The following MAGI1 variants were observed in gnomAD, a reference collection of about 807,000 sequenced individuals.
MAGI1 encodes the protein membrane-associated guanylate kinase, WW and PDZ domain-containing protein 1.
MAGI1 carries 58 observed loss-of-function variants against 139.9 expected under a neutral mutation model. That is an observed-to-expected ratio of 0.41 (90% confidence interval 0.34 to 0.52). The LOEUF is 0.52. Ranked by LOEUF, MAGI1 falls within the 20% of genes least tolerant of loss-of-function variation. The pLI is 0.12. For synonymous variants in MAGI1, 812 were observed against 737.9 expected, an observed-to-expected ratio of 1.10 and a Z score of -1.63; for missense variants, 1,874 against 1,901.6, an observed-to-expected ratio of 0.99 and a Z score of 0.27.
chr3:65,525,633 G>C (rs1242887052), intron 2 of MAGI1, among the ~76,000 whole-genome samples: 1 of 152,268 alleles, frequency 6.6e-6, no homozygotes, highest in East Asian at 1.9e-4. Context: ...AATCATCTGA[G>C]ATTATAATTA....
At chr3:65,785,825 C>T (rs1012586979) in intron 1 of MAGI1, among the ~76,000 whole-genome samples, 2 of 152,152 alleles carry the variant, frequency 1.3e-5, no homozygotes, top group African/African-American at 2.4e-5. Context: ...AATCATTTCA[C>T]TGAATAACTA....
chr3:65,486,154 G>A (rs1951620407), intron 3 of MAGI1, among the ~76,000 whole-genome samples: 1 of 152,094 alleles, frequency 6.6e-6, no homozygotes, highest in Non-Finnish European at 1.5e-5. Context: ...TATACCATTG[G>A]CAGCTGCCTT....
intron 1 of MAGI1, among the ~76,000 whole-genome samples, chr3:65,808,135 G>A (rs544905790): frequency 2.6e-5 from 4 of 151,710 alleles, no homozygotes; most frequent in Admixed American, 6.6e-5. Flanking sequence ...ACAGGCATTC[G>A]CCACCACGCC....
chr3:65,401,774 G>T lies in MAGI1; in HGVS notation c.2168-304C>A. The T allele has an allele frequency of 7.2e-6, 10 of 1,388,288 alleles. No homozygotes were observed. The South Asian group carries it at 1.5e-4, about 21-fold the overall frequency. 86.0% of individuals were successfully genotyped at this position (1,388,288 alleles called of 1,614,324 possible). On this transcript the variant is annotated intron_variant, in intron 12 of 22. Coordinates refer to ENST00000402939, the MANE Select transcript of MAGI1 (RefSeq NM_001033057.2). ...GCCTGGGAAATTGAACACTTGGACA[G>T]AATCTCAAATGCTCTTCTGGATTAA...
At position 66,032,105 on chromosome 3, in the gene MAGI1, T is replaced by G. The variant is rs192244420; in HGVS notation, c.313+5891A>C. Reference sequence around the variant, plus strand: ...TCCTAAACAAGAAGTAAAAGACAAATCGAGAGAAAGGGAGGAAAGATGTTG... The same window carrying G: ...TCCTAAACAAGAAGTAAAAGACAAAGCGAGAGAAAGGGAGGAAAGATGTTG... On this transcript the variant is annotated intron_variant, in intron 1 of 22. Coordinates refer to ENST00000402939, the MANE Select transcript of MAGI1 (RefSeq NM_001033057.2). Among the ~76,000 whole-genome samples the G allele has an allele frequency of 2.0e-5, 3 of 152,118 alleles. No homozygotes were observed. The East Asian group carries it at 5.8e-4, about 29-fold the overall frequency.
Position 65,769,694 on chromosome 3 carries a change from G to T in MAGI1, c.314-147606C>A, listed in dbSNP as rs58916820. 2.6e-3 allele frequency among the ~76,000 whole-genome samples: 394 copies of T among 152,256 alleles called. 7 individuals are homozygous for T. In the East Asian group the frequency reaches 0.026, roughly 10 times the overall value. ...TATTTGACTTTGATGATAAGATGTA[G>T]ATGTTGATAACACGTGTCTCTGGAC... is the stretch of plus-strand genomic sequence containing the variant. On this transcript the variant is annotated intron_variant, in intron 1 of 22. Transcript: ENST00000402939.
intron 1 of MAGI1, among the ~76,000 whole-genome samples, chr3:65,930,341 A>AAAAAAAAT (rs2062751381): frequency 7.2e-6 from 1 of 139,258 alleles, no homozygotes. Flanking sequence ...AAAAAAAAAA[A>AAAAAAAAT]TGTTATTTGT....
At chr3:65,917,495 T>C (rs1252768968) in intron 1 of MAGI1, among the ~76,000 whole-genome samples, 1 of 152,212 alleles carries the variant, frequency 6.6e-6, no homozygotes, top group East Asian at 1.9e-4. Flanking sequence ...CACAAAAACC[T>C]GCACATGAAA....
At chr3:65,659,774 A>T (rs528943839) in intron 1 of MAGI1, among the ~76,000 whole-genome samples, 137 of 152,244 alleles carry the variant, frequency 9.0e-4, no homozygotes, top group African/African-American at 3.0e-3. Context: ...TATCAGCTGG[A>T]ACTGAAGTCC....
At chr3:65,363,038 A>ACCAGCTAGAG (rs529867277) in intron 21 of MAGI1, among the ~76,000 whole-genome samples, 409 of 152,284 alleles carry the variant, frequency 2.7e-3, no homozygotes, top group African/African-American at 9.2e-3. Flanking sequence ...ACCACTGGTA[A>ACCAGCTAGAG]CCAGCTAGAG....
At chr3:65,710,828 G>A (rs719508) in intron 1 of MAGI1, among the ~76,000 whole-genome samples, 3,264 of 152,238 alleles carry the variant, frequency 0.021, 64 homozygotes, top group Non-Finnish European at 0.033. Context: ...TCTTGACTAA[G>A]GAGTCCGTTT....
intron 1 of MAGI1, among the ~76,000 whole-genome samples, chr3:65,968,843 G>C (rs1213278557): frequency 6.6e-6 from 1 of 152,092 alleles, no homozygotes; most frequent in Non-Finnish European, 1.5e-5. Context: ...CATAGGAAAT[G>C]TAATGGTTTG....
chr3:65,467,157 CAA>C (rs1224111681), intron 5 of MAGI1, among the ~76,000 whole-genome samples: 1 of 152,188 alleles, frequency 6.6e-6, no homozygotes, highest in African/African-American at 2.4e-5. Flanking sequence ...CTCTTCCTTT[CAA>C]AGTCTTCTTA....
At chr3:65,843,156 G>C (rs888317235) in intron 1 of MAGI1, among the ~76,000 whole-genome samples, 1 of 152,170 alleles carries the variant, frequency 6.6e-6, no homozygotes, top group Non-Finnish European at 1.5e-5. Flanking sequence ...TCACTTCTAA[G>C]ATAATGTTAT....
chr3:65,440,848 TATGTATAC>T (rs1948255551), intron 8 of MAGI1, among the ~76,000 whole-genome samples: 2 of 32,442 alleles, frequency 6.2e-5, no homozygotes, highest in South Asian at 3.1e-3. Context: ...CATATATACA[TATGTATAC>T]ATATATATGT....
chr3:65,607,256 G>A (rs1044693675), intron 2 of MAGI1, among the ~76,000 whole-genome samples: 9 of 151,586 alleles, frequency 5.9e-5, no homozygotes, highest in Non-Finnish European at 1.2e-4. Flanking sequence ...GTCTCTTGCA[G>A]AGAAGAAAAT....
At chr3:65,838,113 C>G (rs2058687924) in intron 1 of MAGI1, among the ~76,000 whole-genome samples, 1 of 152,098 alleles carries the variant, frequency 6.6e-6, no homozygotes, top group African/African-American at 2.4e-5. Context: ...CCACCCCAAT[C>G]AAGATACACA....
At position 65,356,562 on chromosome 3, in the gene MAGI1, C is replaced by T; in HGVS notation, c.4205G>A (p.Arg1402Lys). 6.2e-7 allele frequency: 1 copy of T among 1,607,478 alleles called. No individual in the cohort carries two copies. The highest frequency in any genetic ancestry group is 8.5e-7 in the Non-Finnish European group (1 of 1,179,086). Residue 1402 changes from arginine (R) to lysine (K), a missense_variant, in exon 23 of 23, where the codon AGG (arginine) becomes AAG (lysine). By Grantham distance (26) the Arg-to-Lys change is conservative (BLOSUM62 2). This residue lies in a region of MAGI1 where 653 missense variants were observed against 644.5 expected (regional missense o/e 1.01). Transcript: ENST00000402939. Reference protein sequence around the residue: ...PERRAKSTDRRRARSPERRRE... With the variant: ...PERRAKSTDRKRARSPERRRE... ...CCTGCGCTCGGGGGAGCGTGCGCGC[C>T]TCCGGTCGGTGGACTTGGCCCTGCG...
intron 1 of MAGI1, among the ~76,000 whole-genome samples, chr3:65,932,246 C>T (rs1050057931): frequency 2.6e-5 from 4 of 152,060 alleles, no homozygotes; most frequent in Admixed American, 1.3e-4. Flanking sequence ...AAGGTCTGTT[C>T]GAAGACTATG....
Sources: gnomAD v4.1 joint callset for allele counts (sites outside exome capture counted in the v4.1 genomes callset) on GRCh38, gnomAD v4.1.1 for gene constraint, gnomAD v4.1.1 regional missense constraint, MANE v1.5 for transcripts, NCBI Gene and HGNC (gene_info 2026-07-23, HGNC 2026-07-21) for gene names.